The following TSEN2 variants were observed in gnomAD, a reference collection of about 807,000 sequenced individuals.
TSEN2 encodes tRNA splicing endonuclease subunit 2.
TSEN2 carries 54 observed loss-of-function variants against 59.2 expected under a neutral mutation model. The ratio of observed to expected loss-of-function variants is 0.91; its 90% CI spans 0.73 to 1.14. TSEN2 has a LOEUF of 1.14. Among genes scored for constraint, TSEN2 ranks in the 50% most tolerant of loss-of-function variants. The pLI, the probability that TSEN2 is intolerant of heterozygous loss-of-function variation, is 0.00. For synonymous variants in TSEN2, 195 were observed against 198.2 expected (o/e 0.98, Z 0.14); for missense variants, 636 against 576.2 (o/e 1.10, Z -1.06).
downstream of TSEN2, among the ~76,000 whole-genome samples, chr3:12,537,208 G>A (rs1363255726): frequency 1.3e-5 from 2 of 152,024 alleles, no homozygotes; most frequent in Non-Finnish European, 2.9e-5. Context: ...ACCAGCCTGG[G>A]CAACATAGTG....
At chr3:12,524,530 C>A (rs1035725595) in intron 8 of TSEN2, among the ~76,000 whole-genome samples, 2 of 152,114 alleles carry the variant, frequency 1.3e-5, no homozygotes, top group African/African-American at 4.8e-5. Context: ...AATCCCCTTT[C>A]TCTTATAAGG....
At position 12,505,235 on chromosome 3, in the gene TSEN2, T is replaced by C. The variant is rs1461097143; in HGVS notation, c.909+4T>C. The C allele has an allele frequency of 6.3e-7, 1 of 1,586,934 alleles. No homozygotes were observed. The highest frequency in any genetic ancestry group is 2.2e-5 in the East Asian group (1 of 44,780). On this transcript the variant is annotated splice_donor_region_variant and intron_variant, in intron 6 of 11. Transcript: ENST00000284995. ...TTTGCAACTCAGCCTAGAAGAGGTA[T>C]GTTTTCAACATATTATTATTTCAGC...
upstream of TSEN2, among the ~76,000 whole-genome samples, chr3:12,481,494 T>G (rs2052193571): frequency 6.6e-6 from 1 of 152,216 alleles, no homozygotes. Flanking sequence ...TGTGCCATGT[T>G]TTTCACATTT....
intron 7 of TSEN2, among the ~76,000 whole-genome samples, chr3:12,516,968 C>T (rs1005140074): frequency 2.6e-5 from 4 of 152,106 alleles, no homozygotes; most frequent in African/African-American, 7.2e-5. Context: ...AAAAGTTACC[C>T]GTATTTGGCA....
chr3:12,497,918 G>C (rs905593040), intron 4 of TSEN2, among the ~76,000 whole-genome samples: 4 of 152,152 alleles, frequency 2.6e-5, no homozygotes, highest in African/African-American at 9.7e-5. Context: ...GGAAGGCTCT[G>C]GGGGAGCATC....
At chr3:12,480,534 T>TTTTTTTTTTG (rs1559251951), upstream of TSEN2, among the ~76,000 whole-genome samples, 12 of 140,794 alleles carry the variant, frequency 8.5e-5, no homozygotes, top group African/African-American at 2.9e-4. Flanking sequence ...CTTTGTTTTT[T>TTTTTTTTTTG]TTTTTTTTTT....
chr3:12,504,083 G>A (rs2054573722), intron 5 of TSEN2, among the ~76,000 whole-genome samples: 1 of 152,188 alleles, frequency 6.6e-6, no homozygotes, highest in South Asian at 2.1e-4. Context: ...GAGCAAGAAG[G>A]GCTCACGTGT....
chr3:12,492,904 C>T (rs968903377), intron 3 of TSEN2, among the ~76,000 whole-genome samples: 3 of 152,172 alleles, frequency 2.0e-5, no homozygotes, highest in African/African-American at 7.2e-5. Flanking sequence ...AGCAAAATTA[C>T]CTATGCATTT....
chr3:12,517,964 G>A (rs1280982982), intron 7 of TSEN2, among the ~76,000 whole-genome samples: 2 of 152,016 alleles, frequency 1.3e-5, no homozygotes, highest in African/African-American at 4.8e-5. Context: ...CTAGTCTATT[G>A]TATTATAATC....
At chr3:12,498,762 A>G (rs1362876053) in intron 4 of TSEN2, among the ~76,000 whole-genome samples, 3 of 152,212 alleles carry the variant, frequency 2.0e-5, no homozygotes, top group African/African-American at 7.2e-5. Context: ...TTACCAGCAC[A>G]GTTCTATCAG....
Position 12,503,305 on chromosome 3 carries a change from C to G in TSEN2, c.352C>G (p.Gln118Glu). The G allele has an allele frequency of 6.2e-7, 1 of 1,614,170 alleles. No homozygotes were observed. Among genetic ancestry groups the G allele is most frequent in the Non-Finnish European group, 8.5e-7 (1 of 1,180,038 alleles). Residue 118 changes from glutamine (Q) to glutamate (E), a missense_variant, in exon 5 of 12, where the codon CAG becomes GAG. Coordinates refer to ENST00000284995, the MANE Select transcript of TSEN2 (RefSeq NM_025265.4). ...GTGGGCAGCAGAGCTGATGCGTAGA[C>G]AGGGGCAGGATGAGAGTACAGTGCG... ...VEWAAELMRR[Q>E]GQDESTVRRI...
chr3:12,529,159 G>GTT (rs2057300402), intron 9 of TSEN2, among the ~76,000 whole-genome samples: 1 of 152,088 alleles, frequency 6.6e-6, no homozygotes, highest in Non-Finnish European at 1.5e-5. Flanking sequence ...AATCTGTGCC[G>GTT]TAATTGTTCA....
At chr3:12,520,102 C>T (rs180816014) in intron 8 of TSEN2, among the ~76,000 whole-genome samples, 4 of 152,112 alleles carry the variant, frequency 2.6e-5, no homozygotes, top group African/African-American at 9.6e-5. Flanking sequence ...GGGTTCACGC[C>T]GTTCTCCTGC....
chr3:12,505,759 G>A (rs1233795095), intron 6 of TSEN2, among the ~76,000 whole-genome samples: 1 of 150,332 alleles, frequency 6.7e-6, no homozygotes, highest in Non-Finnish European at 1.5e-5. Context: ...ACTCCAGCCT[G>A]GGTGACAGAA....
At chr3:12,492,275 G>T (rs2053292604) in intron 3 of TSEN2, 58 bp downstream of exon 3, 2 of 1,457,878 alleles carry the variant, frequency 1.4e-6, no homozygotes, top group South Asian at 1.1e-5. Flanking sequence ...CTTTGTTTTT[G>T]ATCTTATATC....
At position 12,519,215 on chromosome 3, in the gene TSEN2, TG is replaced by T; in HGVS notation, c.1099+20del. 1 of 1,614,128 alleles carries T rather than the reference TG, an allele frequency of 6.2e-7. No individual in the cohort carries two copies. The highest frequency in any genetic ancestry group is 1.7e-5 in the Admixed American group (1 of 60,012). On this transcript the variant is annotated intron_variant, in intron 8 of 11. Transcript: ENST00000284995. ...AGATTTACGTAAGTAATTCTTGGCG[TG>T]GTGTGTGTGAGAATAGAGTTTATAT...
chr3:12,524,628 CTT>C (rs796979149), intron 8 of TSEN2, among the ~76,000 whole-genome samples: 1 of 152,064 alleles, frequency 6.6e-6, no homozygotes, highest in Admixed American at 6.6e-5. Context: ...TGCAAAGACT[CTT>C]TTTCCAAGTC....
rs1317124730 is a variant in TSEN2 at position 12,503,402 on chromosome 3, A to G, written c.449A>G (p.His150Arg). 3.1e-6 allele frequency: 5 copies of G among 1,614,114 alleles called. No individual in the cohort carries two copies. The African/African-American group carries it at 4.0e-5, about 13-fold the overall frequency. Residue 150 changes from histidine (H) to arginine (R), a missense_variant, in exon 5 of 12, where the codon CAT (histidine) becomes CGT (arginine). Physicochemically the swap from His to Arg is conservative, Grantham distance 29. Transcript: ENST00000284995. The stretch of plus-strand genomic sequence containing the variant: ...AAAAGGAATGAAGAGGCTCAAGTGC[A>G]TGACAAGCTTAACTCTGGAATGGTT... The part of the protein sequence containing the change: ...PVKRNEEAQV[H>R]DKLNSGMVSN...
rs1167345808 is a variant in TSEN2, at chr3:12,505,773, A to G, written c.909+542A>G. On this transcript the variant is annotated intron_variant, in intron 6 of 11. Transcript: ENST00000284995. Reference sequence around the variant, plus strand: ...CACTCCAGCCTGGGTGACAGAATGAAACTCTGTCTCAAAAAAAAAAAAAAA... The same window carrying G: ...CACTCCAGCCTGGGTGACAGAATGAGACTCTGTCTCAAAAAAAAAAAAAAA... Among the ~76,000 whole-genome samples, 13 of 144,508 alleles carry G rather than the reference A, an allele frequency of 9.0e-5. No individual in the cohort carries two copies. The South Asian group carries it at 2.6e-3, about 29-fold the overall frequency. 94.8% of individuals were successfully genotyped at this position (144,508 alleles called of 152,430 possible).
Sources: gnomAD v4.1 joint callset for allele counts (sites outside exome capture counted in the v4.1 genomes callset) on GRCh38, gnomAD v4.1.1 for gene constraint, MANE v1.5 for transcripts, NCBI Gene and HGNC (gene_info 2026-07-23, HGNC 2026-07-21) for gene names.